GGT5: variants seen among roughly 807,000 people sequenced by gnomAD.
GGT5 encodes glutathione hydrolase 5 proenzyme.
GGT5 carries 50 observed loss-of-function variants against 58.1 expected under a neutral mutation model. The observed-to-expected ratio is 0.86, with a 90% CI of 0.69 to 1.09. The LOEUF (loss-of-function observed/expected upper bound fraction) is 1.09, where lower values mean the gene tolerates loss of function less well. Among genes scored for constraint, GGT5 ranks in the 50% least tolerant of loss-of-function variants. The probability of loss-of-function intolerance (pLI) is 0.00; values close to 1 mark genes in which losing one functional copy is unlikely to be tolerated. For synonymous variants in GGT5, 370 were observed against 346.1 expected, an observed-to-expected ratio of 1.07 and a Z score of -0.77; for missense variants, 800 against 789.4, an observed-to-expected ratio of 1.01 and a Z score of -0.16.
At chr22:24,233,714 G>A (rs2048018519) in intron 2 of GGT5, 121 bp from the exon 3 acceptor site, 2 of 871,652 alleles carry the variant, frequency 2.3e-6, no homozygotes, top group South Asian at 3.2e-5. Context: ...AGGGACAGGA[G>A]TTGACACAAG....
At chr22:24,233,808 G>T in intron 2 of GGT5, 66 bp downstream of exon 2, 2 of 1,483,358 alleles carry the variant, frequency 1.3e-6, no homozygotes, top group Non-Finnish European at 1.9e-6. Context: ...GGACTGGCTG[G>T]AGAAGGGGTT....
intron 11 of GGT5, 49 bp downstream of exon 11, chr22:24,224,947 T>A (rs778547176): frequency 8.0e-6 from 10 of 1,251,360 alleles, no homozygotes; most frequent in Non-Finnish European, 1.1e-5. Context: ...CAGCACGGAT[T>A]TGGGGAGTGG....
intron 1 of GGT5, among the ~76,000 whole-genome samples, chr22:24,239,023 TC>T (rs1374520115): frequency 8.2e-6 from 1 of 122,292 alleles, no homozygotes; most frequent in Non-Finnish European, 1.7e-5. Flanking sequence ...AGATATTTTT[TC>T]CCAAAGATAT....
At chr22:24,238,784 ATAT>A (rs1475656012) in intron 1 of GGT5, among the ~76,000 whole-genome samples, 1 of 20,586 alleles carries the variant, frequency 4.9e-5, no homozygotes, top group African/African-American at 3.0e-4. Context: ...TATATAATAT[ATAT>A]TATATATTTA....
chr22:24,238,771 ATATATATAATATATATTATATATT>A (rs2048180090), intron 1 of GGT5, among the ~76,000 whole-genome samples: 1 of 28,346 alleles, frequency 3.5e-5, no homozygotes, highest in Non-Finnish European at 5.4e-5. Flanking sequence ...ATATATATAT[ATATATATAATATATATTATATATT>A]TATATATATA....
chr22:24,222,004 C>T (rs992477402), intron 11 of GGT5, among the ~76,000 whole-genome samples: 3 of 151,896 alleles, frequency 2.0e-5, no homozygotes, highest in Admixed American at 1.3e-4. Context: ...CATGGAGAAA[C>T]GCTGTTTCTG....
intron 11 of GGT5, among the ~76,000 whole-genome samples, chr22:24,222,800 G>C (rs1030395116): frequency 2.6e-5 from 4 of 152,044 alleles, no homozygotes; most frequent in African/African-American, 9.7e-5. Context: ...GGGAGGGGCC[G>C]GGCGCGGTGG....
At chr22:24,226,884 A>C (rs1160786326) in intron 6 of GGT5, 117 bp from the exon 7 acceptor site, 3 of 727,230 alleles carry the variant, frequency 4.1e-6, no homozygotes, top group East Asian at 2.6e-5. Context: ...AAACCTGTGG[A>C]TATTACCTTA....
intron 1 of GGT5, among the ~76,000 whole-genome samples, chr22:24,238,228 C>CA (rs556769286): frequency 0.019 from 822 of 42,286 alleles, 10 homozygotes; most frequent in South Asian, 0.13. Flanking sequence ...GGCTCCGTCT[C>CA]AAAAAAAAAA....
chr22:24,220,570 A>G (rs944265773), intron 11 of GGT5: 5 of 455,286 alleles, frequency 1.1e-5, no homozygotes, highest in Non-Finnish European at 2.2e-5. Flanking sequence ...TGGGCAATGC[A>G]GCAAGATCCT....
In GGT5 at chr22:24,233,922, T is replaced by C. The variant is rs773847023; in HGVS notation, c.256A>G (p.Met86Val). The C allele has an allele frequency of 1.9e-6, 3 of 1,613,760 alleles. No homozygotes were observed. The highest frequency in any genetic ancestry group is 1.1e-5 in the South Asian group (1 of 91,062). Residue 86 changes from methionine to valine, a missense_variant, in exon 2 of 12, where the codon ATG (methionine) becomes GTG (valine). By Grantham distance (21) the Met-to-Val change is conservative (BLOSUM62 1). Transcript: ENST00000327365. ...AAGATGACCCCTCCGCCCAGGCCCA[T>C]GCTCTGAGGGTTGACGACGCTGGTG... Reference protein sequence around the residue: ...VCTSVVNPQSMGLGGGVIFTI... With the variant: ...VCTSVVNPQSVGLGGGVIFTI...
intron 11 of GGT5, among the ~76,000 whole-genome samples, chr22:24,224,247 C>T (rs956487965): frequency 3.3e-5 from 5 of 151,918 alleles, no homozygotes; most frequent in East Asian, 2.0e-4. Flanking sequence ...TGGTGGCTCA[C>T]GCCTATAATC....
At chr22:24,242,836 C>T (rs1215823248) in intron 1 of GGT5, 1 of 152,280 alleles carries the variant, frequency 6.6e-6, no homozygotes, top group Non-Finnish European at 1.5e-5. Context: ...TCCAATGACC[C>T]CTGTTCCGCA....
chr22:24,236,726 G>A (rs933227083), intron 1 of GGT5, among the ~76,000 whole-genome samples: 1 of 147,822 alleles, frequency 6.8e-6, no homozygotes, highest in Admixed American at 6.8e-5. Context: ...TTGTACCACT[G>A]CACTCCAGCC....
Position 24,244,537 on chromosome 22 carries a change from C to G in GGT5, c.173+16G>C. The G allele has an allele frequency of 6.2e-7, 1 of 1,607,184 alleles. No individual in the cohort carries two copies. The highest frequency in any genetic ancestry group is 8.5e-7 in the Non-Finnish European group (1 of 1,176,068). On this transcript the variant is annotated intron_variant, in intron 1 of 11. Transcript: ENST00000327365. Reference sequence around the variant, plus strand: ...GCTGCCAAGGGCCACCCAGCTTCCTCCCACGTCTCACTCACCGTCCAATAT... The same window carrying G: ...GCTGCCAAGGGCCACCCAGCTTCCTGCCACGTCTCACTCACCGTCCAATAT...
chr22:24,234,937 G>C (rs375559652), intron 1 of GGT5, among the ~76,000 whole-genome samples: 2 of 152,072 alleles, frequency 1.3e-5, no homozygotes, highest in East Asian at 3.9e-4. Flanking sequence ...TGGTCAGCCT[G>C]GCCTACATTA....
At chr22:24,221,938 G>A (rs1216995415) in intron 11 of GGT5, among the ~76,000 whole-genome samples, 1 of 151,426 alleles carries the variant, frequency 6.6e-6, no homozygotes, top group Non-Finnish European at 1.5e-5. Context: ...CAGCACTTTG[G>A]GAGGCCAAGG....
In GGT5 at chr22:24,226,632, T is replaced by C; in HGVS notation, c.1037A>G (p.Gln346Arg). The C allele has an allele frequency of 6.2e-7, 1 of 1,613,998 alleles. No individual in the cohort carries two copies. Among genetic ancestry groups the C allele is most frequent in the Non-Finnish European group, 8.5e-7 (1 of 1,179,898 alleles). The change falls in exon 7 of 12, where the codon CAG (glutamine) becomes CGG (arginine). Residue 346 changes from glutamine (Q) to arginine (R), a missense_variant and splice_region_variant. Gln to Arg is a conservative substitution (Grantham distance 43). Transcript: ENST00000327365. ...GCCCAGCAACCTCAGCAACCTCACC[T>C]GGAGCTTCGGGTGGCTTCGAGGGTC... ...LGDPRSHPKL[Q>R]NASRDLLGET... is the part of the protein sequence containing the mutation.
intron 11 of GGT5, chr22:24,220,694 G>A (rs992623835): frequency 1.1e-5 from 5 of 455,218 alleles, no homozygotes; most frequent in South Asian, 7.8e-5. Flanking sequence ...CCAGGAGTTT[G>A]AGAACAGCCA....
Sources: gnomAD v4.1 joint callset for allele counts (sites outside exome capture counted in the v4.1 genomes callset) on GRCh38, gnomAD v4.1.1 for gene constraint, MANE v1.5 for transcripts, NCBI Gene and HGNC (gene_info 2026-07-23, HGNC 2026-07-21) for gene names.